TOX: variants seen among roughly 807,000 people sequenced by gnomAD.
The protein encoded by TOX is thymocyte selection-associated high mobility group box protein TOX.
TOX carries 11 observed loss-of-function variants against 53.7 expected under a neutral mutation model. That is an observed-to-expected ratio of 0.20 (90% CI 0.13 to 0.34). TOX has a LOEUF of 0.34. Ranked by LOEUF, TOX falls within the 10% of genes least tolerant of loss-of-function variation. The pLI, the probability that TOX is intolerant of heterozygous loss-of-function variation, is 1.00. For missense variants in TOX, 570 were observed against 664.6 expected, an observed-to-expected ratio of 0.86 and a Z score of 1.56; for synonymous variants, 225 against 245.3, an observed-to-expected ratio of 0.92 and a Z score of 0.77.
At chr8:59,079,081 A>G (rs1490245210) in intron 1 of TOX, among the ~76,000 whole-genome samples, 1 of 152,204 alleles carries the variant, frequency 6.6e-6, no homozygotes, top group Non-Finnish European at 1.5e-5. Flanking sequence ...TTTAAGAGGA[A>G]GTAACTTGGC....
intron 3 of TOX, among the ~76,000 whole-genome samples, chr8:58,860,697 G>A (rs16924117): frequency 0.024 from 3,640 of 152,266 alleles, 119 homozygotes; most frequent in East Asian, 0.12. Flanking sequence ...GGGATAAGCA[G>A]GGCAGCTTAC....
intron 2 of TOX, among the ~76,000 whole-genome samples, chr8:58,959,205 G>T (rs1290051614): frequency 6.6e-6 from 1 of 152,012 alleles, no homozygotes; most frequent in South Asian, 2.1e-4. Context: ...TATATTTTAC[G>T]TTATACTGGT....
chr8:58,956,506 C>G (rs10104226), intron 2 of TOX, among the ~76,000 whole-genome samples: 1 of 152,126 alleles, frequency 6.6e-6, no homozygotes, highest in African/African-American at 2.4e-5. Flanking sequence ...TATAGTGAAG[C>G]AAATTAACAT....
intron 5 of TOX, among the ~76,000 whole-genome samples, chr8:58,835,104 CT>C (rs1810523992): frequency 6.6e-6 from 1 of 152,170 alleles, no homozygotes; most frequent in Non-Finnish European, 1.5e-5. Flanking sequence ...GATTGAGAAA[CT>C]GCTTTATGAT....
At chr8:58,921,104 T>C (rs1009700788) in intron 3 of TOX, among the ~76,000 whole-genome samples, 2 of 152,176 alleles carry the variant, frequency 1.3e-5, no homozygotes, top group East Asian at 3.8e-4. Context: ...GGAGGTACTG[T>C]TCATCAGAGG....
chr8:58,938,508 AT>A (rs1054542375), intron 3 of TOX, among the ~76,000 whole-genome samples: 2 of 151,606 alleles, frequency 1.3e-5, no homozygotes, highest in African/African-American at 2.4e-5. Context: ...TCTACTACTG[AT>A]TTTTTTTTCC....
intron 2 of TOX, among the ~76,000 whole-genome samples, chr8:58,943,601 CT>C (rs575704112): frequency 0.32 from 45,235 of 139,830 alleles, 7,326 homozygotes; most frequent in East Asian, 0.41. Context: ...AAGAGGACTA[CT>C]TTTTTTTTTT....
At chr8:59,101,028 C>G (rs1804796547) in intron 1 of TOX, among the ~76,000 whole-genome samples, 2 of 152,110 alleles carry the variant, frequency 1.3e-5, no homozygotes, top group Admixed American at 1.3e-4. Flanking sequence ...CACAGCAAGA[C>G]TTGAGACAGG....
intron 6 of TOX, among the ~76,000 whole-genome samples, chr8:58,816,691 T>G (rs1810184198): frequency 6.6e-6 from 1 of 152,180 alleles, no homozygotes; most frequent in Non-Finnish European, 1.5e-5. Context: ...CATATATGCT[T>G]TTACTCTGCA....
Position 59,097,672 on chromosome 8 carries a change from T to C in TOX, c.102+21214A>G, listed in dbSNP as rs542703705. On this transcript the variant is annotated intron_variant, in intron 1 of 8. Transcript: ENST00000361421. Reference sequence around the variant, plus strand: ...AACTCAACAGTTAACACTCAAGTGATTTCTGCTATGGCCTTGACTGATAGT... The same window carrying C: ...AACTCAACAGTTAACACTCAAGTGACTTCTGCTATGGCCTTGACTGATAGT... Among the ~76,000 whole-genome samples the C allele has an allele frequency of 2.6e-5, 4 of 152,332 alleles. No individual in the cohort carries two copies. The East Asian group carries it at 7.7e-4, about 29-fold the overall frequency.
At chr8:59,071,805 T>C (rs975405155) in intron 1 of TOX, among the ~76,000 whole-genome samples, 1 of 152,202 alleles carries the variant, frequency 6.6e-6, no homozygotes, top group Admixed American at 6.5e-5. Context: ...AATAATTGGC[T>C]CTGTCATGCT....
intron 3 of TOX, among the ~76,000 whole-genome samples, chr8:58,882,372 T>C (rs529155349): frequency 2.6e-5 from 4 of 152,346 alleles, no homozygotes; most frequent in South Asian, 2.1e-4. Context: ...CAAACAACAA[T>C]AGGAAAATAG....
At chr8:58,922,104 G>A (rs760905157) in intron 3 of TOX, among the ~76,000 whole-genome samples, 8 of 152,164 alleles carry the variant, frequency 5.3e-5, no homozygotes, top group Non-Finnish European at 1.0e-4. Flanking sequence ...CTTAGTTTAG[G>A]ATCTTCCTAA....
intron 1 of TOX, among the ~76,000 whole-genome samples, chr8:58,976,691 A>T (rs973881046): frequency 2.0e-5 from 3 of 152,218 alleles, no homozygotes; most frequent in Non-Finnish European, 4.4e-5. Context: ...AAATAATAAG[A>T]CTTGGAAGTC....
chr8:59,021,499 TGCAC>T (rs1814135241), intron 1 of TOX, among the ~76,000 whole-genome samples: 10 of 109,564 alleles, frequency 9.1e-5, no homozygotes, highest in South Asian at 2.8e-4. Flanking sequence ...TATATATATA[TGCAC>T]ATATATACAA....
intron 1 of TOX, among the ~76,000 whole-genome samples, chr8:59,007,799 T>C (rs1298697539): frequency 6.6e-6 from 1 of 152,250 alleles, no homozygotes; most frequent in Admixed American, 6.5e-5. Context: ...GATATTAAAC[T>C]ACACAGGTAA....
intron 2 of TOX, 45 bp downstream of exon 2, chr8:58,959,898 T>C (rs1440140793): frequency 1.2e-6 from 2 of 1,601,814 alleles, no homozygotes; most frequent in Middle Eastern, 3.3e-4. Flanking sequence ...TTTGAATTTG[T>C]TTAATTACAA....
chr8:58,879,906 C>A (rs1161509483), intron 3 of TOX, among the ~76,000 whole-genome samples: 1 of 152,060 alleles, frequency 6.6e-6, no homozygotes, highest in Non-Finnish European at 1.5e-5. Flanking sequence ...CTGGTACAAC[C>A]CATTTTTAAT....
At chr8:58,866,617 A>C (rs1303820496) in intron 3 of TOX, among the ~76,000 whole-genome samples, 2 of 152,236 alleles carry the variant, frequency 1.3e-5, no homozygotes, top group Non-Finnish European at 2.9e-5. Context: ...GTTAATTGGC[A>C]GAATGGCCAT....
Sources: allele counts gnomAD v4.1 joint callset (sites outside exome capture counted in the v4.1 genomes callset), GRCh38; gene constraint gnomAD v4.1.1; transcripts MANE v1.5; gene names NCBI Gene and HGNC (gene_info 2026-07-23, HGNC 2026-07-21).